Variants in SLC30A5 observed in about 807,000 individuals in gnomAD.
SLC30A5 encodes the protein solute carrier family 30 member 5, also known as proton-coupled zinc antiporter SLC30A5.
A neutral mutation model predicts 79.6 loss-of-function variants in SLC30A5; 33 were observed. That is an observed-to-expected ratio of 0.41 (90% CI 0.31 to 0.55). SLC30A5 has a LOEUF of 0.55. Ranked by LOEUF, SLC30A5 falls within the 20% of genes least tolerant of loss-of-function variation. The probability of loss-of-function intolerance (pLI) is 0.20; values close to 1 mark genes in which losing one functional copy is unlikely to be tolerated. For missense variants in SLC30A5, 788 were observed against 928.1 expected (o/e 0.85, Z 1.96); for synonymous variants, 299 against 319.7 (o/e 0.94, Z 0.69).
chr5:69,117,428 T>G (rs777079887), intron 11 of SLC30A5, 32 bp downstream of exon 11: 21 of 1,586,022 alleles, frequency 1.3e-5, no homozygotes, highest in Non-Finnish European at 1.8e-5. Context: ...GTGGTATATC[T>G]TAAGTGCAAA....
At chr5:69,123,587 A>G (rs1369091524) in intron 14 of SLC30A5, 162 bp downstream of exon 14, 1 of 594,656 alleles carries the variant, frequency 1.7e-6, no homozygotes, top group South Asian at 2.0e-5. Context: ...CTAACAAGAA[A>G]TATGCAAGAT....
chr5:69,115,464 T>A, intron 8 of SLC30A5, 57 bp downstream of exon 8: 8 of 1,400,484 alleles, frequency 5.7e-6, no homozygotes, highest in South Asian at 1.4e-5. Context: ...GAATTGCTAT[T>A]AAATTTTTAG....
chr5:69,098,590 G>A (rs1368677929), intron 1 of SLC30A5, among the ~76,000 whole-genome samples: 1 of 152,184 alleles, frequency 6.6e-6, no homozygotes, highest in Non-Finnish European at 1.5e-5. Flanking sequence ...AAATCAGTGT[G>A]TAATTCAAGT....
chr5:69,100,499 G>A (rs941039652), intron 1 of SLC30A5, among the ~76,000 whole-genome samples: 6 of 151,884 alleles, frequency 4.0e-5, no homozygotes, highest in African/African-American at 1.5e-4. Context: ...AGTAGGGCGC[G>A]GTGGCTCACA....
At chr5:69,108,821 CAAAAAAAAA>C (rs5868569) in intron 5 of SLC30A5, among the ~76,000 whole-genome samples, 15 of 99,094 alleles carry the variant, frequency 1.5e-4, no homozygotes, top group Non-Finnish European at 2.6e-4. Context: ...GACTCAGCCT[CAAAAAAAAA>C]AAAAAAAAAA....
chr5:69,125,241 T>G (rs1200923903), intron 14 of SLC30A5, among the ~76,000 whole-genome samples: 1 of 151,588 alleles, frequency 6.6e-6, no homozygotes, highest in Non-Finnish European at 1.5e-5. Context: ...AATACAAAAA[T>G]TAGGGTCGGG....
chr5:69,126,663 G>T (rs536090003), intron 14 of SLC30A5, among the ~76,000 whole-genome samples: 1 of 151,662 alleles, frequency 6.6e-6, no homozygotes, highest in Non-Finnish European at 1.5e-5. Flanking sequence ...CCAGCTATTC[G>T]GGAGGCTGAG....
chr5:69,113,038 T>C (rs1276022864), intron 5 of SLC30A5, 102 bp from the exon 6 acceptor site: 16 of 899,994 alleles, frequency 1.8e-5, no homozygotes, highest in Non-Finnish European at 2.0e-5. Flanking sequence ...TTTTTGTAAA[T>C]GCTTACTTGA....
At position 69,121,927 on chromosome 5, in the gene SLC30A5, C is replaced by T. The variant is rs1190084060; in HGVS notation, c.1771+32C>T. On this transcript the variant is annotated intron_variant, in intron 13 of 15. Coordinates refer to ENST00000396591, the MANE Select transcript of SLC30A5 (RefSeq NM_022902.5). ...CCTTGCAAAATATTATCCTACTTTT[C>T]AACTGTGTTCTAAATCAACCCTCTG... is the stretch of plus-strand genomic sequence containing the variant. The T allele has an allele frequency of 3.2e-6, 5 of 1,551,134 alleles. No individual in the cohort carries two copies. The South Asian group carries it at 3.4e-5, about 11-fold the overall frequency.
chr5:69,094,355 G>A lies in SLC30A5; in HGVS notation c.83+17G>A. The A allele has an allele frequency of 1.6e-6, 2 of 1,245,630 alleles. No individual in the cohort carries two copies. Among genetic ancestry groups the A allele is most frequent in the Non-Finnish European group, 2.0e-6 (2 of 987,820 alleles). 77.2% of individuals were successfully genotyped at this position (1,245,630 alleles called of 1,614,324 possible). A position where few individuals can be genotyped will look rare whatever the true frequency, so the allele number is the denominator to read the frequency against. ...CAGCGCTCGGTAAGGGACCGATCCGGAAGGCAGCGACCGGCCGGGTCGCTC... is the reference window on the plus strand; with the variant it reads ...CAGCGCTCGGTAAGGGACCGATCCGAAAGGCAGCGACCGGCCGGGTCGCTC... On this transcript the variant is annotated intron_variant, in intron 1 of 15. Transcript: ENST00000396591.
intron 14 of SLC30A5, among the ~76,000 whole-genome samples, chr5:69,126,662 C>T (rs907724791): frequency 1.3e-5 from 2 of 151,622 alleles, no homozygotes; most frequent in East Asian, 2.0e-4. Flanking sequence ...CCCAGCTATT[C>T]GGGAGGCTGA....
chr5:69,112,871 A>G (rs1232418549), intron 5 of SLC30A5, among the ~76,000 whole-genome samples: 2 of 152,186 alleles, frequency 1.3e-5, no homozygotes, highest in Non-Finnish European at 1.5e-5. Context: ...TTCTGTAAAC[A>G]GTACCAATTT....
intron 12 of SLC30A5, among the ~76,000 whole-genome samples, 163 bp downstream of exon 12, chr5:69,118,791 T>C (rs566986807): frequency 6.8e-6 from 1 of 147,998 alleles, no homozygotes; most frequent in African/African-American, 2.5e-5. Flanking sequence ...TGCTCCCTCT[T>C]AGAAATTCTC....
In SLC30A5 at chr5:69,116,728, T is replaced by G; in HGVS notation, c.1281+126T>G. 1.7e-6 allele frequency: 1 copy of G among 604,356 alleles called. No individual in the cohort carries two copies. The highest frequency in any genetic ancestry group is 2.6e-6 in the Non-Finnish European group (1 of 379,344). The allele number at this position is 604,356 out of a possible 1,614,324, so 37.4% of individuals were successfully genotyped here. A position where few individuals can be genotyped will look rare whatever the true frequency, so the allele number is the denominator to read the frequency against. On this transcript the variant is annotated intron_variant, in intron 10 of 15. Coordinates refer to ENST00000396591, the MANE Select transcript of SLC30A5 (RefSeq NM_022902.5). The surrounding 1 kb of genome is among the most constrained non-coding windows in gnomAD (Gnocchi z 4.0). ...GATGAGCTAAAATTTAAATTTTTTCTAAGTATAATAGCAAGATTACGAGAT... is the reference window on the plus strand; with the variant it reads ...GATGAGCTAAAATTTAAATTTTTTCGAAGTATAATAGCAAGATTACGAGAT...
At chr5:69,101,271 G>A (rs762314038) in intron 2 of SLC30A5, among the ~76,000 whole-genome samples, 35 of 151,360 alleles carry the variant, frequency 2.3e-4, no homozygotes, top group Non-Finnish European at 4.6e-4. Context: ...CTACTTATAC[G>A]AAATGCTTTT....
At chr5:69,104,213 C>T in intron 3 of SLC30A5, 1 of 781,620 alleles carries the variant, frequency 1.3e-6, no homozygotes, top group Non-Finnish European at 1.8e-6. Flanking sequence ...TCTTGTCTCA[C>T]TGCAACCTCT....
intron 2 of SLC30A5, among the ~76,000 whole-genome samples, 192 bp downstream of exon 2, chr5:69,101,121 G>A (rs76344378): frequency 0.019 from 2,826 of 152,174 alleles, 89 homozygotes; most frequent in Non-Finnish European, 0.02. Context: ...ACGGATTGTT[G>A]TGCTCTAATC....
At chr5:69,096,862 A>G (rs544378278) in intron 1 of SLC30A5, among the ~76,000 whole-genome samples, 333 of 152,106 alleles carry the variant, frequency 2.2e-3, no homozygotes, top group Admixed American at 3.5e-3. Flanking sequence ...TGGGAGGCTA[A>G]GGCAGAAGGA....
chr5:69,104,022 C>T (rs757708113), intron 3 of SLC30A5: 8 of 1,568,262 alleles, frequency 5.1e-6, no homozygotes, highest in East Asian at 2.3e-5. Context: ...GTTAAATGAT[C>T]CTAGGAAACT....
Sources: allele counts gnomAD v4.1 joint callset (sites outside exome capture counted in the v4.1 genomes callset), GRCh38; gene constraint gnomAD v4.1.1; non-coding constraint Gnocchi (gnomAD v3.1); transcripts MANE v1.5; gene names NCBI Gene and HGNC (gene_info 2026-07-23, HGNC 2026-07-21).